The following CAMK1D variants were observed in gnomAD, a reference collection of about 807,000 sequenced individuals.
CAMK1D encodes calcium/calmodulin dependent protein kinase ID.
In CAMK1D, 9 loss-of-function variants were observed where a neutral mutation model predicts 47.7. The observed-to-expected ratio is 0.19, with a 90% CI of 0.11 to 0.33. CAMK1D has a LOEUF of 0.33. Ranked by LOEUF, CAMK1D falls within the 10% of genes least tolerant of loss-of-function variation. The pLI, the probability that CAMK1D is intolerant of heterozygous loss-of-function variation, is 1.00. For missense variants in CAMK1D, 291 were observed against 488.7 expected, an observed-to-expected ratio of 0.60 and a Z score of 3.81; for synonymous variants, 184 against 184.9, an observed-to-expected ratio of 0.99 and a Z score of 0.04.
At chr10:12,411,047 T>G (rs1308498913) in intron 1 of CAMK1D, among the ~76,000 whole-genome samples, 1 of 152,126 alleles carries the variant, frequency 6.6e-6, no homozygotes, top group Admixed American at 6.6e-5. Context: ...AAATAGGTAC[T>G]CAAAAATCCA....
chr10:12,670,816 T>A (rs1159651233), intron 3 of CAMK1D, among the ~76,000 whole-genome samples: 1 of 152,222 alleles, frequency 6.6e-6, no homozygotes, highest in Non-Finnish European at 1.5e-5. Context: ...CCCAAAGTGC[T>A]GGGATTACAG....
rs1833387953 is a variant in CAMK1D, at chr10:12,829,805, ACTC to A, written c.*921_*923del. 6.6e-6 allele frequency: 1 copy of A among 150,880 alleles called. No homozygotes were observed. The highest frequency in any genetic ancestry group is 1.5e-5 in the Non-Finnish European group (1 of 67,922). 9.3% of individuals were successfully genotyped at this position (150,880 alleles called of 1,614,324 possible). ...AAGGCTAAGAGTGCCCTTCACCTCT[ACTC>A]CTTCTGTTTCTCTCCCCTTCCCCAG... is the stretch of plus-strand genomic sequence containing the variant. On this transcript the variant is annotated 3_prime_UTR_variant, in exon 11 of 11. Transcript: ENST00000619168.
At chr10:12,744,151 G>A (rs1241166420) in intron 3 of CAMK1D, among the ~76,000 whole-genome samples, 1 of 151,996 alleles carries the variant, frequency 6.6e-6, no homozygotes, top group Non-Finnish European at 1.5e-5. Context: ...GTTGTTGTTT[G>A]TATCAGTACT....
intron 1 of CAMK1D, among the ~76,000 whole-genome samples, chr10:12,432,594 GAATA>G (rs1832517442): frequency 6.6e-6 from 1 of 152,282 alleles, no homozygotes; most frequent in East Asian, 1.9e-4. Context: ...TGAATGAGTT[GAATA>G]AATGAATGAA....
At chr10:12,436,824 C>T (rs143852077) in intron 1 of CAMK1D, among the ~76,000 whole-genome samples, 24 of 152,266 alleles carry the variant, frequency 1.6e-4, no homozygotes, top group African/African-American at 5.3e-4. Flanking sequence ...AGTGCCCATG[C>T]GTTGGTCCCC....
chr10:12,702,224 G>T (rs1406813245), intron 3 of CAMK1D, among the ~76,000 whole-genome samples: 2 of 152,180 alleles, frequency 1.3e-5, no homozygotes, highest in Non-Finnish European at 2.9e-5. Context: ...GGTGGAGGAC[G>T]CTGCTCTTGG....
chr10:12,813,269 C>T (rs1324311022), intron 6 of CAMK1D, among the ~76,000 whole-genome samples: 1 of 152,208 alleles, frequency 6.6e-6, no homozygotes, highest in Non-Finnish European at 1.5e-5. Context: ...CAACCCTCCG[C>T]ATACTCAGTC....
In CAMK1D at chr10:12,718,567, T is replaced by G. The variant is rs79319951; in HGVS notation, c.300-42381T>G. 5.4e-3 allele frequency among the ~76,000 whole-genome samples: 830 copies of G among 152,298 alleles called. 11 individuals are homozygous for G. The highest frequency in any genetic ancestry group is 0.019 in the African/African-American group (785 of 41,558). The stretch of plus-strand genomic sequence containing the variant: ...TAAATGGACTTTTCCCGAGTAAATT[T>G]AGAATAATGCCCTAAACTTGTAATG... On this transcript the variant is annotated intron_variant, in intron 3 of 10. Coordinates refer to ENST00000619168, the MANE Select transcript of CAMK1D (RefSeq NM_153498.4).
intron 2 of CAMK1D, among the ~76,000 whole-genome samples, chr10:12,632,512 T>C (rs1839408460): frequency 6.6e-6 from 1 of 152,222 alleles, no homozygotes; most frequent in African/African-American, 2.4e-5. Flanking sequence ...AATATGACCT[T>C]TCAGCATCAT....
intron 6 of CAMK1D, among the ~76,000 whole-genome samples, chr10:12,808,229 TA>T: frequency 6.6e-6 from 1 of 152,232 alleles, no homozygotes; most frequent in Non-Finnish European, 1.5e-5. Context: ...ATACCCGGAA[TA>T]GCCTCTGCAG....
chr10:12,619,891 C>G (rs1303745841), intron 2 of CAMK1D, among the ~76,000 whole-genome samples: 3 of 152,122 alleles, frequency 2.0e-5, no homozygotes, highest in Non-Finnish European at 4.4e-5. Flanking sequence ...GTAGTCTCTT[C>G]CCCATTTCTA....
chr10:12,652,567 G>A (rs1026715661), intron 2 of CAMK1D, among the ~76,000 whole-genome samples: 3 of 151,874 alleles, frequency 2.0e-5, no homozygotes, highest in Non-Finnish European at 2.9e-5. Flanking sequence ...CAGCCTGGGC[G>A]ACAGAGCGAG....
chr10:12,422,668 T>C (rs962940859), intron 1 of CAMK1D, among the ~76,000 whole-genome samples: 10 of 151,296 alleles, frequency 6.6e-5, no homozygotes, highest in African/African-American at 2.5e-4. Flanking sequence ...TGGGTTAATA[T>C]AATTTTTTTT....
Position 12,418,623 on chromosome 10 carries a change from T to C in CAMK1D, c.92+68713T>C, listed in dbSNP as rs572578666. On this transcript the variant is annotated intron_variant, in intron 1 of 10. Coordinates refer to ENST00000619168, the MANE Select transcript of CAMK1D (RefSeq NM_153498.4). ...CTCTCTCTTATTTTAAAAAAAGTTA[T>C]GTATTGCACTCCAACTAGCAATGTG... Among the ~76,000 whole-genome samples the C allele has an allele frequency of 4.6e-5, 7 of 152,310 alleles. No homozygotes were observed. The East Asian group carries it at 1.2e-3, about 25-fold the overall frequency.
At chr10:12,416,553 C>T (rs1473486953) in intron 1 of CAMK1D, among the ~76,000 whole-genome samples, 1 of 152,156 alleles carries the variant, frequency 6.6e-6, no homozygotes. Flanking sequence ...TCGGATGGGG[C>T]CAGGCCAAGA....
intron 3 of CAMK1D, among the ~76,000 whole-genome samples, chr10:12,684,627 A>G (rs896274733): frequency 4.6e-5 from 7 of 152,258 alleles, no homozygotes; most frequent in African/African-American, 1.7e-4. Flanking sequence ...ATCACATCAC[A>G]GTATGAATTG....
chr10:12,568,158 TTCCCTCCCTCCC>T (rs1238037708), intron 2 of CAMK1D, among the ~76,000 whole-genome samples: 22 of 60,040 alleles, frequency 3.7e-4, no homozygotes, highest in African/African-American at 4.3e-4. Context: ...CCCTGTTTCC[TTCCCTCCCTCCC>T]TCCCTCCCTC....
At chr10:12,716,017 G>A (rs60468805) in intron 3 of CAMK1D, among the ~76,000 whole-genome samples, 2 of 151,916 alleles carry the variant, frequency 1.3e-5, no homozygotes, top group African/African-American at 4.8e-5. Context: ...GGCCCATTTT[G>A]CTTATTTTAA....
chr10:12,723,034 A>C (rs1275850402), intron 3 of CAMK1D, among the ~76,000 whole-genome samples: 1 of 152,190 alleles, frequency 6.6e-6, no homozygotes, highest in East Asian at 1.9e-4. Flanking sequence ...CGGAGTCCAC[A>C]TGGGAGGAAG....
Sources: allele counts gnomAD v4.1 joint callset (sites outside exome capture counted in the v4.1 genomes callset), GRCh38; gene constraint gnomAD v4.1.1; transcripts MANE v1.5; gene names NCBI Gene and HGNC (gene_info 2026-07-23, HGNC 2026-07-21).